Variants in PLXDC2 observed in about 807,000 individuals in gnomAD.
PLXDC2 encodes the protein plexin domain-containing protein 2.
In PLXDC2, 40 loss-of-function variants were observed where a neutral mutation model predicts 68.9. The observed-to-expected ratio is 0.58, with a 90% CI of 0.45 to 0.76. The LOEUF (loss-of-function observed/expected upper bound fraction) is 0.76. Ranked by LOEUF, PLXDC2 falls within the 30% of genes least tolerant of loss-of-function variation. The pLI, the probability that PLXDC2 is intolerant of heterozygous loss-of-function variation, is 0.00. For missense variants in PLXDC2, 644 were observed against 661.9 expected (o/e 0.97, Z 0.30); for synonymous variants, 243 against 234.2 (o/e 1.04, Z -0.34).
chr10:20,008,270 G>A (rs138481565), intron 2 of PLXDC2, among the ~76,000 whole-genome samples: 100 of 152,240 alleles, frequency 6.6e-4, no homozygotes, highest in Non-Finnish European at 1.3e-3. Context: ...AAAAAAGAAT[G>A]TAGGCCAGGC....
chr10:20,151,298 C>G (rs1834149501), intron 6 of PLXDC2, among the ~76,000 whole-genome samples: 1 of 152,196 alleles, frequency 6.6e-6, no homozygotes, highest in Admixed American at 6.5e-5. Context: ...TTACCACTTA[C>G]AAAGTACTTT....
intron 1 of PLXDC2, among the ~76,000 whole-genome samples, chr10:19,889,138 A>G (rs17679512): frequency 0.046 from 6,936 of 152,030 alleles, 202 homozygotes; most frequent in Middle Eastern, 0.12. Flanking sequence ...ACTAGTATTC[A>G]TTTCCTCCTT....
chr10:20,126,903 A>G (rs1336695027), intron 4 of PLXDC2, among the ~76,000 whole-genome samples: 1 of 147,974 alleles, frequency 6.8e-6, no homozygotes, highest in East Asian at 1.9e-4. Flanking sequence ...TAATATATGT[A>G]TATATGTATA....
intron 1 of PLXDC2, among the ~76,000 whole-genome samples, chr10:19,924,388 TTA>T (rs1833506651): frequency 6.6e-6 from 1 of 152,194 alleles, no homozygotes; most frequent in African/African-American, 2.4e-5. Context: ...CCACTCTCCT[TTA>T]TATATATACC....
intron 1 of PLXDC2, among the ~76,000 whole-genome samples, chr10:19,933,667 CACAA>C (rs370972858): frequency 1.3e-5 from 2 of 151,764 alleles, no homozygotes; most frequent in East Asian, 3.9e-4. Flanking sequence ...ACAAAACACA[CACAA>C]ACACACACGC....
At chr10:20,188,544 C>G (rs138611828) in intron 9 of PLXDC2, among the ~76,000 whole-genome samples, 14 of 151,552 alleles carry the variant, frequency 9.2e-5, no homozygotes, top group African/African-American at 1.9e-4. Context: ...CTGAGGTAGT[C>G]TAGGACTAGG....
At chr10:20,015,578 G>A (rs572831262) in intron 2 of PLXDC2, among the ~76,000 whole-genome samples, 1 of 152,126 alleles carries the variant, frequency 6.6e-6, no homozygotes, top group African/African-American at 2.4e-5. Flanking sequence ...TGGAAGACTG[G>A]CCAAGACTCC....
chr10:20,006,818 A>G (rs1361414538), intron 2 of PLXDC2, among the ~76,000 whole-genome samples: 2 of 152,226 alleles, frequency 1.3e-5, no homozygotes, highest in African/African-American at 4.8e-5. Context: ...ATGAGCATAT[A>G]AAATCTCTAG....
chr10:20,280,631 T>C lies in PLXDC2; in HGVS notation c.*812T>C, dbSNP rs1270534265. ...TGCTTTATGGAAGCCTTACCTCCAA[T>C]CCCCAACTGTTAAGTCCCATGAAAC... On this transcript the variant is annotated 3_prime_UTR_variant, in exon 14 of 14. Coordinates refer to ENST00000377252, the MANE Select transcript of PLXDC2 (RefSeq NM_032812.9). 1 of 152,012 alleles carries C rather than the reference T, an allele frequency of 6.6e-6. No homozygotes were observed. The highest frequency in any genetic ancestry group is 1.9e-4 in the East Asian group (1 of 5,182). The allele number at this position is 152,012 out of a possible 1,614,324, so 9.4% of individuals were successfully genotyped here.
intron 1 of PLXDC2, among the ~76,000 whole-genome samples, chr10:19,957,136 A>G (rs1834083390): frequency 1.3e-5 from 2 of 152,196 alleles, no homozygotes; most frequent in Non-Finnish European, 2.9e-5. Flanking sequence ...TGGGGCTTTT[A>G]GAGTTCACAA....
Position 19,962,828 on chromosome 10 carries a change from T to C in PLXDC2, c.113-38947T>C, listed in dbSNP as rs568857578. 1.5e-4 allele frequency among the ~76,000 whole-genome samples: 22 copies of C among 149,826 alleles called. No individual in the cohort carries two copies. In the South Asian group the frequency reaches 4.5e-3, roughly 30 times the overall value. ...GGTGAAACCCCGTCTCCACTAAAAATACAAAAACAAAATTAGCCGGGCTTG... is the reference window on the plus strand; with the variant it reads ...GGTGAAACCCCGTCTCCACTAAAAACACAAAAACAAAATTAGCCGGGCTTG... On this transcript the variant is annotated intron_variant, in intron 1 of 13. Coordinates refer to ENST00000377252, the MANE Select transcript of PLXDC2 (RefSeq NM_032812.9).
intron 1 of PLXDC2, among the ~76,000 whole-genome samples, chr10:19,889,471 C>A (rs1055632612): frequency 2.6e-5 from 4 of 152,112 alleles, no homozygotes; most frequent in African/African-American, 7.2e-5. Flanking sequence ...TAAATAGTGT[C>A]CTAGTGCCCT....
intron 2 of PLXDC2, among the ~76,000 whole-genome samples, chr10:20,018,814 G>T (rs1402361101): frequency 6.6e-6 from 1 of 152,062 alleles, no homozygotes; most frequent in African/African-American, 2.4e-5. Flanking sequence ...TAAGACAGGA[G>T]CTGTTCTATG....
chr10:20,217,698 ATTC>A (rs1354170152), intron 11 of PLXDC2, 122 bp downstream of exon 11: 1 of 1,166,124 alleles, frequency 8.6e-7, no homozygotes, highest in Non-Finnish European at 1.1e-6. Flanking sequence ...CTCTAAAGTT[ATTC>A]TTTGGCAAAC....
At chr10:19,928,565 C>T (rs1833577239) in intron 1 of PLXDC2, among the ~76,000 whole-genome samples, 1 of 152,000 alleles carries the variant, frequency 6.6e-6, no homozygotes, top group Non-Finnish European at 1.5e-5. Context: ...AATATGGGGG[C>T]ACTTGGGAGA....
At chr10:20,053,713 C>A (rs905983125) in intron 3 of PLXDC2, among the ~76,000 whole-genome samples, 11 of 152,062 alleles carry the variant, frequency 7.2e-5, no homozygotes, top group Non-Finnish European at 1.3e-4. Flanking sequence ...ATTCACAACT[C>A]CTACAGATAT....
chr10:20,033,039 G>T (rs538464588), intron 2 of PLXDC2, among the ~76,000 whole-genome samples: 1 of 132,438 alleles, frequency 7.6e-6, no homozygotes, highest in Non-Finnish European at 1.6e-5. Flanking sequence ...GTTGTGGGGT[G>T]GGGGGAGGGG....
At position 20,281,212 on chromosome 10, in the gene PLXDC2, G is replaced by A. The variant is rs1247916457; in HGVS notation, c.*1393G>A. On this transcript the variant is annotated 3_prime_UTR_variant, in exon 14 of 14. Transcript: ENST00000377252. ...AGCTCCTTAAATGGAGATATCGATT[G>A]CCTTGGAATCACAATCCTGATTTTG... 1 of 152,084 alleles carries A rather than the reference G, an allele frequency of 6.6e-6. No individual in the cohort carries two copies. The highest frequency in any genetic ancestry group is 2.4e-5 in the African/African-American group (1 of 41,424). The allele number at this position is 152,084 out of a possible 1,614,324, so 9.4% of individuals were successfully genotyped here.
chr10:19,869,354 G>A (rs903326164), intron 1 of PLXDC2, among the ~76,000 whole-genome samples: 1 of 151,512 alleles, frequency 6.6e-6, no homozygotes, highest in Admixed American at 6.6e-5. Flanking sequence ...AGCCTGGGAG[G>A]CAGAGGTTGC....
Sources: gnomAD v4.1 joint callset for allele counts (sites outside exome capture counted in the v4.1 genomes callset) on GRCh38, gnomAD v4.1.1 for gene constraint, MANE v1.5 for transcripts, NCBI Gene and HGNC (gene_info 2026-07-23, HGNC 2026-07-21) for gene names.